The following WDR64 variants were observed in gnomAD, a reference collection of about 807,000 sequenced individuals.
The protein encoded by WDR64 is WD repeat-containing protein 64.
WDR64 carries 112 observed loss-of-function variants against 139.3 expected under a neutral mutation model. The ratio of observed to expected loss-of-function variants is 0.80; its 90% CI spans 0.69 to 0.94. The LOEUF is 0.94. WDR64 is among the 40% of genes least tolerant of loss of function. The pLI is 0.00. For missense variants in WDR64, 1,206 were observed against 1,293.1 expected (o/e 0.93, Z 1.03); for synonymous variants, 444 against 437.7 (o/e 1.01, Z -0.18).
chr1:241,753,238 T>C (rs1476766286), intron 14 of WDR64, among the ~76,000 whole-genome samples: 1 of 152,342 alleles, frequency 6.6e-6, no homozygotes, highest in East Asian at 1.9e-4. Flanking sequence ...AGAAACTGGC[T>C]GTCTTCACTC....
intron 9 of WDR64, among the ~76,000 whole-genome samples, chr1:241,714,565 G>A (rs1217021118): frequency 6.6e-6 from 1 of 151,694 alleles, no homozygotes; most frequent in African/African-American, 2.4e-5. Context: ...TCATGGCTGG[G>A]GAATCTCCCC....
intron 23 of WDR64, among the ~76,000 whole-genome samples, chr1:241,784,953 G>GGATAAAAAA (rs766802128): frequency 1.6e-5 from 1 of 62,250 alleles, no homozygotes; most frequent in Non-Finnish European, 3.1e-5. Flanking sequence ...GACTCTGTCT[G>GGATAAAAAA]AAAAAAAAAA....
rs75666802 is a variant in WDR64 at position 241,657,229 on chromosome 1, C to T, written c.146-3301C>T. On this transcript the variant is annotated intron_variant, in intron 1 of 27. Transcript: ENST00000437684. ...ATGTGCAGTCACCCTCAGTGTTACC[C>T]TGGCCCAAACCTCCATTTTCTGAAG... is the stretch of plus-strand genomic sequence containing the variant. Among the ~76,000 whole-genome samples, 643 of 152,196 alleles carry T rather than the reference C, an allele frequency of 4.2e-3. 4 individuals carry two copies. Among genetic ancestry groups the T allele is most frequent in the Middle Eastern group, 0.02 (6 of 294 alleles).
At chr1:241,687,629 G>T (rs181155959) in intron 8 of WDR64, 34 bp downstream of exon 8, 110 of 1,564,888 alleles carry the variant, frequency 7.0e-5, no homozygotes, top group Non-Finnish European at 1.7e-6. Context: ...TGAACAGTCT[G>T]TGAATTTCAA....
Position 241,802,234 on chromosome 1 carries a change from T to A in WDR64, c.*1019T>A. 1 of 342,606 alleles carries A rather than the reference T, an allele frequency of 2.9e-6. No individual in the cohort carries two copies. The highest frequency in any genetic ancestry group is 5.0e-6 in the Non-Finnish European group (1 of 201,888). The allele number at this position is 342,606 out of a possible 1,614,324, so 21.2% of individuals were successfully genotyped here. Reference sequence around the variant, plus strand: ...GCAATTAAAGGGAATAAAATGCTAATGCATGCATTAACATAGACCAATCTC... The same window carrying A: ...GCAATTAAAGGGAATAAAATGCTAAAGCATGCATTAACATAGACCAATCTC... On this transcript the variant is annotated 3_prime_UTR_variant, in exon 28 of 28. Transcript: ENST00000437684.
At chr1:241,773,975 T>A (rs1658557617) in intron 20 of WDR64, among the ~76,000 whole-genome samples, 1 of 152,174 alleles carries the variant, frequency 6.6e-6, no homozygotes, top group Non-Finnish European at 1.5e-5. Flanking sequence ...AAAGAAGGTA[T>A]TGCATCGTAT....
intron 12 of WDR64, among the ~76,000 whole-genome samples, chr1:241,742,402 C>G (rs1669582101): frequency 6.6e-6 from 1 of 152,152 alleles, no homozygotes; most frequent in Non-Finnish European, 1.5e-5. Context: ...GCACAAGATA[C>G]AGGTCATAAA....
At chr1:241,771,294 G>A (rs1219616002) in intron 18 of WDR64, among the ~76,000 whole-genome samples, 1 of 152,138 alleles carries the variant, frequency 6.6e-6, no homozygotes, top group African/African-American at 2.4e-5. Flanking sequence ...ATTAGCTTTA[G>A]AGCTGCCACT....
chr1:241,771,599 C>T, intron 18 of WDR64, 62 bp from the exon 19 acceptor site: 1 of 1,229,420 alleles, frequency 8.1e-7, no homozygotes, highest in Non-Finnish European at 1.1e-6. Flanking sequence ...TTTAATCACC[C>T]AGTATATCTC....
In WDR64 at chr1:241,801,414, A is replaced by T; in HGVS notation, c.*199A>T. 1 of 501,076 alleles carries T rather than the reference A, an allele frequency of 2.0e-6. No homozygotes were observed. The highest frequency in any genetic ancestry group is 2.9e-5 in the East Asian group (1 of 34,242). The allele number at this position is 501,076 out of a possible 1,614,324, so 31.0% of individuals were successfully genotyped here. A position where few individuals can be genotyped will look rare whatever the true frequency, so the allele number is the denominator to read the frequency against. ...AATACCAAGCAAGCAGCAAGCAGCC[A>T]GAAGTTTAGGCGGTGTTTCTTATTT... On this transcript the variant is annotated 3_prime_UTR_variant, in exon 28 of 28. Transcript: ENST00000437684.
At chr1:241,710,753 G>T (rs1205540851) in intron 8 of WDR64, among the ~76,000 whole-genome samples, 1 of 152,186 alleles carries the variant, frequency 6.6e-6, no homozygotes, top group Non-Finnish European at 1.5e-5. Flanking sequence ...AGGAGGGCAT[G>T]GGGTGAGCCT....
chr1:241,766,391 C>T (rs1463025911), intron 16 of WDR64, 40 bp downstream of exon 16: 1 of 1,596,450 alleles, frequency 6.3e-7, no homozygotes, highest in African/African-American at 1.3e-5. Context: ...AAAAGCTTTA[C>T]TGCAGAAGGG....
intron 21 of WDR64, among the ~76,000 whole-genome samples, chr1:241,778,909 G>A (rs1422250742): frequency 6.6e-6 from 1 of 152,044 alleles, no homozygotes; most frequent in African/African-American, 2.4e-5. Context: ...TTATCCGGTA[G>A]ATCAATTAAC....
At chr1:241,712,922 GTCT>G (rs1668230433) in intron 9 of WDR64, among the ~76,000 whole-genome samples, 1 of 151,794 alleles carries the variant, frequency 6.6e-6, no homozygotes, top group African/African-American at 2.4e-5. Flanking sequence ...GCAAGAGCCT[GTCT>G]CAAAACAACA....
chr1:241,718,395 TGGGTC>T (rs1668481206), intron 9 of WDR64, among the ~76,000 whole-genome samples: 1 of 152,186 alleles, frequency 6.6e-6, no homozygotes, highest in African/African-American at 2.4e-5. Flanking sequence ...GGTGTAAACC[TGGGTC>T]TTCTGAAAAA....
chr1:241,773,117 G>A (rs1021647835), intron 20 of WDR64, among the ~76,000 whole-genome samples, 186 bp downstream of exon 20: 1 of 152,192 alleles, frequency 6.6e-6, no homozygotes, highest in African/African-American at 2.4e-5. Flanking sequence ...GAAGGGTTTT[G>A]TAATTCAAAA....
In WDR64 at chr1:241,772,837, A is replaced by G. The variant is rs1658513295; in HGVS notation, c.2336A>G (p.Lys779Arg). The change falls in exon 20 of 28, where the codon AAA becomes AGA. Residue 779 changes from lysine to arginine, a missense_variant. By Grantham distance (26) the Lys-to-Arg change is conservative. Coordinates refer to ENST00000437684, the MANE Select transcript of WDR64 (RefSeq NM_001367482.1). Reference protein sequence around the residue: ...VMVGKQQPMDKKHPGIANLPE... With the variant: ...VMVGKQQPMDRKHPGIANLPE... ...GTGGGAAAGCAACAGCCAATGGACA[A>G]AAAACACCCTGGAATTGCCAATTTA... 1 of 1,552,100 alleles carries G rather than the reference A, an allele frequency of 6.4e-7. No individual in the cohort carries two copies. Among genetic ancestry groups the G allele is most frequent in the Non-Finnish European group, 8.7e-7 (1 of 1,147,072 alleles).
intron 24 of WDR64, among the ~76,000 whole-genome samples, chr1:241,790,153 C>T (rs1659169246): frequency 6.6e-6 from 1 of 152,098 alleles, no homozygotes; most frequent in South Asian, 2.1e-4. Context: ...GAGTTCGAGA[C>T]CAGCCTGGCC....
At chr1:241,799,359 A>G (rs1334908067) in intron 27 of WDR64, among the ~76,000 whole-genome samples, 1 of 151,420 alleles carries the variant, frequency 6.6e-6, no homozygotes, top group Admixed American at 6.6e-5. Flanking sequence ...CCTGGATGAC[A>G]GAATGAAACT....
Sources: allele counts gnomAD v4.1 joint callset (sites outside exome capture counted in the v4.1 genomes callset), GRCh38; gene constraint gnomAD v4.1.1; transcripts MANE v1.5; gene names NCBI Gene and HGNC (gene_info 2026-07-23, HGNC 2026-07-21).